The following SERHL2 variants were observed in gnomAD, a reference collection of about 807,000 sequenced individuals.
SERHL2 encodes the protein serine hydrolase like 2, also known as serine hydrolase-like protein 2.
Under a neutral mutation model 25.5 loss-of-function variants are expected in SERHL2, and 29 were observed. That is an observed-to-expected ratio of 1.14 (90% CI 0.85 to 1.55). The LOEUF (loss-of-function observed/expected upper bound fraction) is 1.55. Ranked by LOEUF, SERHL2 falls within the 40% of genes most tolerant of loss-of-function variation. The pLI is 0.00. For synonymous variants in SERHL2, 95 were observed against 103.5 expected (o/e 0.92, Z 0.50); for missense variants, 240 against 252.3 (o/e 0.95, Z 0.33).
rs143078204 is a variant in SERHL2, at chr22:42,572,484, G to T, written c.780G>T (p.Glu260Asp). 1.4e-5 allele frequency: 22 copies of T among 1,611,930 alleles called. No homozygotes were observed. The highest frequency in any genetic ancestry group is 1.7e-5 in the Admixed American group (1 of 59,986). ...FDSRQNYSEKESLSFMIDTMK... is the reference protein window; with the variant it reads ...FDSRQNYSEKDSLSFMIDTMK... ...CAAGACAGAATTACTCTGAGAAGGA[G>T]TCCCTGTCGTTCATGATAGACACGA... The change falls in exon 11 of 12, where the codon GAG becomes GAT. Residue 260 changes from glutamate (E) to aspartate (D), a missense_variant. Glu to Asp is a conservative substitution (Grantham distance 45, BLOSUM62 2). Around this residue, in one of 4 missense-constraint regions of SERHL2, gnomAD observed 212 missense variants for 168.9 expected, o/e 1.25. Coordinates refer to ENST00000327678, the MANE Select transcript of SERHL2 (RefSeq NM_014509.5).
intron 9 of SERHL2, 80 bp downstream of exon 9, chr22:42,566,418 C>A (rs1340783502): frequency 2.8e-6 from 4 of 1,415,418 alleles, no homozygotes; most frequent in East Asian, 2.3e-5. Context: ...ACAGGCCAGG[C>A]GTGGTGGCTC....
At chr22:42,569,421 G>A (rs1055858302) in intron 9 of SERHL2, 1 of 151,750 alleles carries the variant, frequency 6.6e-6, no homozygotes, top group Non-Finnish European at 1.5e-5. Flanking sequence ...ACCATGCCCA[G>A]CTAATTTGTT....
chr22:42,571,240 G>A lies in SERHL2; in HGVS notation c.731+37G>A, dbSNP rs1004117751. 12 of 1,607,484 alleles carry A rather than the reference G, an allele frequency of 7.5e-6. No individual in the cohort carries two copies. The African/African-American group carries it at 1.1e-4, about 14-fold the overall frequency. On this transcript the variant is annotated intron_variant, in intron 10 of 11. Transcript: ENST00000327678. ...CCCATCCCCTTCAGCCACCCGCCAA[G>A]GAGACATGGGCGCCAGGAATCTCCG...
Position 42,574,313 on chromosome 22 carries a change from G to A in SERHL2, c.*258G>A, listed in dbSNP as rs1003274162. On this transcript the variant is annotated 3_prime_UTR_variant, in exon 12 of 12. Coordinates refer to ENST00000327678, the MANE Select transcript of SERHL2 (RefSeq NM_014509.5). ...ATCCAGCCAGCTGGAGGAAGGAAGGGCAGGCTGGGCCCACCTAGCCTTTCC... is the reference window on the plus strand; with the variant it reads ...ATCCAGCCAGCTGGAGGAAGGAAGGACAGGCTGGGCCCACCTAGCCTTTCC... The A allele has an allele frequency of 5.6e-6, 3 of 538,946 alleles. No homozygotes were observed. Among genetic ancestry groups the A allele is most frequent in the African/African-American group, 3.8e-5 (2 of 51,982 alleles). The allele number at this position is 538,946 out of a possible 1,614,324, so 33.4% of individuals were successfully genotyped here. A position where few individuals can be genotyped will look rare whatever the true frequency, so the allele number is the denominator to read the frequency against.
At chr22:42,563,152 C>T (rs187118490) in intron 8 of SERHL2, among the ~76,000 whole-genome samples, 4 of 151,772 alleles carry the variant, frequency 2.6e-5, no homozygotes, top group Non-Finnish European at 5.9e-5. Flanking sequence ...TTGATTGTGC[C>T]ACTGCACTCT....
chr22:42,570,176 C>G (rs1376983780), intron 9 of SERHL2, among the ~76,000 whole-genome samples: 2 of 151,986 alleles, frequency 1.3e-5, no homozygotes, highest in East Asian at 1.9e-4. Flanking sequence ...AATCCCAGAA[C>G]TTTGGGAGTC....
chr22:42,567,689 TA>T (rs963668631), intron 9 of SERHL2, among the ~76,000 whole-genome samples: 6 of 149,838 alleles, frequency 4.0e-5, no homozygotes, highest in Non-Finnish European at 8.9e-5. Context: ...AATAAATAAA[TA>T]AAAAAAATAA....
At chr22:42,568,162 T>G (rs911938198) in intron 9 of SERHL2, among the ~76,000 whole-genome samples, 1 of 151,484 alleles carries the variant, frequency 6.6e-6, no homozygotes, top group Non-Finnish European at 1.5e-5. Context: ...TGGCTAGGAC[T>G]ACAGGTGTGC....
chr22:42,561,438 A>G lies in SERHL2; in HGVS notation c.613+1173A>G, dbSNP rs531559867. On this transcript the variant is annotated intron_variant, in intron 8 of 11. Transcript: ENST00000327678. ...TGAGGTGGGCATGTGCCTTCCCTTT[A>G]TAAAGTGCTGAGTGAGGCAGGGGGT... Among the ~76,000 whole-genome samples the G allele has an allele frequency of 2.3e-4, 34 of 147,950 alleles. No homozygotes were observed. The South Asian group carries it at 7.4e-3, about 32-fold the overall frequency.
chr22:42,571,717 T>C (rs1352984624), intron 10 of SERHL2: 1 of 161,296 alleles, frequency 6.2e-6, no homozygotes, highest in African/African-American at 2.4e-5. Context: ...CCACCGTGCG[T>C]GGCCCACCAT....
intron 8 of SERHL2, among the ~76,000 whole-genome samples, chr22:42,565,806 C>A (rs1195044409): frequency 6.6e-6 from 1 of 151,786 alleles, no homozygotes; most frequent in Non-Finnish European, 1.5e-5. Flanking sequence ...TTAGGCCCCC[C>A]ACCAAGAAAA....
At chr22:42,563,691 T>C (rs1046842727) in intron 8 of SERHL2, among the ~76,000 whole-genome samples, 1 of 151,864 alleles carries the variant, frequency 6.6e-6, no homozygotes. Context: ...ATTTTATTTT[T>C]TATTATACTC....
intron 8 of SERHL2, among the ~76,000 whole-genome samples, chr22:42,562,537 C>T (rs535744130): frequency 1.3e-5 from 2 of 151,664 alleles, no homozygotes; most frequent in Admixed American, 6.6e-5. Flanking sequence ...GGGGAGGGCT[C>T]GTGGAGGACG....
chr22:42,557,536 CAA>C (rs1246405054), intron 6 of SERHL2, among the ~76,000 whole-genome samples: 1 of 77,282 alleles, frequency 1.3e-5, no homozygotes, highest in East Asian at 2.2e-4. Flanking sequence ...GCCTGGGCAA[CAA>C]GAGGGAAACT....
In SERHL2 at chr22:42,573,817, G is replaced by A; in HGVS notation, c.826-119G>A. 2.2e-6 allele frequency: 2 copies of A among 906,490 alleles called. 1 individual carries two copies. The highest frequency in any genetic ancestry group is 3.5e-6 in the Non-Finnish European group (2 of 578,884). 56.2% of individuals were successfully genotyped at this position (906,490 alleles called of 1,614,324 possible). A position where few individuals can be genotyped will look rare whatever the true frequency, so the allele number is the denominator to read the frequency against. ...CCGAGTGTGGGGGAAACTCACTGTG[G>A]GAGGCGCTCCTGACCTGCAGGGAGC... On this transcript the variant is annotated intron_variant, in intron 11 of 11. Transcript: ENST00000327678.
In SERHL2 at chr22:42,574,323, C is replaced by T. The variant is rs1387966760; in HGVS notation, c.*268C>T. On this transcript the variant is annotated 3_prime_UTR_variant, in exon 12 of 12. Transcript: ENST00000327678. ...CTGGAGGAAGGAAGGGCAGGCTGGGCCCACCTAGCCTTTCCCTGCTGCCCA... is the reference window on the plus strand; with the variant it reads ...CTGGAGGAAGGAAGGGCAGGCTGGGTCCACCTAGCCTTTCCCTGCTGCCCA... The T allele has an allele frequency of 1.1e-5, 6 of 531,110 alleles. No homozygotes were observed. Among genetic ancestry groups the T allele is most frequent in the Non-Finnish European group, 6.7e-6 (2 of 298,924 alleles). 32.9% of individuals were successfully genotyped at this position (531,110 alleles called of 1,614,324 possible).
chr22:42,570,494 C>T (rs1435657988), intron 9 of SERHL2, among the ~76,000 whole-genome samples: 1 of 152,144 alleles, frequency 6.6e-6, no homozygotes, highest in Non-Finnish European at 1.5e-5. Context: ...CAACATAAAG[C>T]TTGATTGCAT....
intron 8 of SERHL2, among the ~76,000 whole-genome samples, chr22:42,565,938 G>A (rs111726621): frequency 0.011 from 1,624 of 152,144 alleles, 26 homozygotes; most frequent in African/African-American, 0.038. Context: ...ACCACAACCA[G>A]TGACACCATT....
intron 9 of SERHL2, chr22:42,570,145 G>A (rs928970439): frequency 6.6e-6 from 1 of 152,198 alleles, no homozygotes; most frequent in African/African-American, 2.4e-5. Context: ...CCCAAGGCTG[G>A]GTGTGGTGGC....
Sources: allele counts gnomAD v4.1 joint callset (sites outside exome capture counted in the v4.1 genomes callset), GRCh38; gene constraint gnomAD v4.1.1; regional missense constraint gnomAD v4.1.1; transcripts MANE v1.5; gene names NCBI Gene and HGNC (gene_info 2026-07-23, HGNC 2026-07-21).